GTF2A1: variants seen among roughly 807,000 people sequenced by gnomAD.
GTF2A1 encodes transcription initiation factor IIA subunit 1.
Under a neutral mutation model 54.1 loss-of-function variants are expected in GTF2A1, and 12 were observed. The observed-to-expected ratio is 0.22, with a 90% CI of 0.14 to 0.36. GTF2A1 has a LOEUF of 0.36. Among genes scored for constraint, GTF2A1 ranks in the 10% least tolerant of loss-of-function variants. GTF2A1 has a pLI of 1.00. For missense variants in GTF2A1, 335 were observed against 442.2 expected (o/e 0.76, Z 2.17); for synonymous variants, 145 against 152.0 (o/e 0.95, Z 0.34).
At chr14:81,211,519 T>C (rs1893363436) in intron 2 of GTF2A1, among the ~76,000 whole-genome samples, 1 of 152,142 alleles carries the variant, frequency 6.6e-6, no homozygotes, top group Non-Finnish European at 1.5e-5. Flanking sequence ...CTATAAAATG[T>C]GATGAGACCT....
intron 7 of GTF2A1, among the ~76,000 whole-genome samples, chr14:81,187,170 C>T (rs935548580): frequency 3.3e-5 from 5 of 151,708 alleles, no homozygotes; most frequent in East Asian, 1.9e-4. Flanking sequence ...CTGGCTAACA[C>T]GGTGAAACCC....
At chr14:81,203,665 T>A (rs778456391) in intron 3 of GTF2A1, among the ~76,000 whole-genome samples, 11 of 152,196 alleles carry the variant, frequency 7.2e-5, no homozygotes, top group Non-Finnish European at 1.2e-4. Flanking sequence ...TGTCTACCAT[T>A]ACTCTACAGA....
chr14:81,192,408 T>C (rs964790519), intron 7 of GTF2A1, 111 bp downstream of exon 7: 31 of 776,590 alleles, frequency 4.0e-5, no homozygotes, highest in Middle Eastern at 2.4e-4. Flanking sequence ...TCTTATGTTG[T>C]ACAGCACCTA....
intron 3 of GTF2A1, 55 bp downstream of exon 3, chr14:81,203,845 C>T: frequency 3.5e-6 from 5 of 1,419,190 alleles, no homozygotes; most frequent in Non-Finnish European, 5.0e-6. Context: ...TCTCTTCTTT[C>T]ATAATGACAA....
At chr14:81,186,269 G>A (rs970157189) in intron 7 of GTF2A1, among the ~76,000 whole-genome samples, 7 of 152,202 alleles carry the variant, frequency 4.6e-5, no homozygotes, top group East Asian at 1.9e-4. Flanking sequence ...ATGGCACTAT[G>A]TACTACAAAT....
At chr14:81,191,325 T>G (rs529537011) in intron 7 of GTF2A1, among the ~76,000 whole-genome samples, 24 of 152,264 alleles carry the variant, frequency 1.6e-4, no homozygotes, top group African/African-American at 5.8e-4. Flanking sequence ...CGGTATAAAA[T>G]TTAGAGAACC....
chr14:81,214,156 G>A (rs959897973), intron 2 of GTF2A1, among the ~76,000 whole-genome samples: 2 of 152,086 alleles, frequency 1.3e-5, no homozygotes, highest in African/African-American at 2.4e-5. Flanking sequence ...CCTCATCACC[G>A]CAATCAAGGT....
intron 1 of GTF2A1, 29 bp downstream of exon 1, chr14:81,220,460 C>A: frequency 6.5e-7 from 1 of 1,536,182 alleles, no homozygotes; most frequent in Non-Finnish European, 8.8e-7. Context: ...TGAACGAAGC[C>A]CCCGCCGGCC....
intron 2 of GTF2A1, chr14:81,209,788 A>C (rs1893321187): frequency 2.1e-6 from 1 of 472,780 alleles, no homozygotes; most frequent in South Asian, 1.8e-5. Context: ...ATACAAGACA[A>C]ATGTCAAAGT....
rs1892526847 is a variant in GTF2A1 at position 81,176,316 on chromosome 14, C to T, written c.*3907G>A. ...CTTGATCTGCAATGAATTTTACAAA[C>T]ATAATAAATATATTTACGCCATTAC... On this transcript the variant is annotated 3_prime_UTR_variant, in exon 9 of 9. Transcript: ENST00000553612. 1 of 151,990 alleles carries T rather than the reference C, an allele frequency of 6.6e-6. No individual in the cohort carries two copies. Among genetic ancestry groups the T allele is most frequent in the Non-Finnish European group, 1.5e-5 (1 of 67,964 alleles). 9.4% of individuals were successfully genotyped at this position (151,990 alleles called of 1,614,324 possible).
chr14:81,220,228 CGCGGCCCGGCCCGGCCCGCG>C (rs1057068913), intron 1 of GTF2A1, among the ~76,000 whole-genome samples: 2 of 145,430 alleles, frequency 1.4e-5, no homozygotes, highest in African/African-American at 2.5e-5. Context: ...CAACCGCCTC[CGCGGCCCGGCCCGGCCCGCG>C]GCGGCCCCAG....
intron 3 of GTF2A1, among the ~76,000 whole-genome samples, chr14:81,202,214 A>G (rs1893128450): frequency 6.6e-6 from 1 of 152,166 alleles, no homozygotes; most frequent in East Asian, 1.9e-4. Context: ...AAACATAAAT[A>G]GTTCTATGCA....
In GTF2A1 at chr14:81,212,343, AC is replaced by A. The variant is rs541873061; in HGVS notation, c.132+4069del. Among the ~76,000 whole-genome samples the A allele has an allele frequency of 3.1e-3, 471 of 152,316 alleles. 3 individuals carry two copies. The highest frequency in any genetic ancestry group is 0.011 in the African/African-American group (452 of 41,566). ...GTGTCATTCCCACCCACAGACACTC[AC>A]CAATCCAAAACACATTTACATTCGA... On this transcript the variant is annotated intron_variant, in intron 2 of 8. Transcript: ENST00000553612.
At position 81,197,499 on chromosome 14, in the gene GTF2A1, G is replaced by A; in HGVS notation, c.403-15C>T. ...GCAGCAGCACTCTGAAAAAAACAAA[G>A]AAAAAATATCAAAACCACATACATG... is the stretch of plus-strand genomic sequence containing the variant. On this transcript the variant is annotated splice_polypyrimidine_tract_variant and intron_variant, in intron 4 of 8. Transcript: ENST00000553612. 1 of 1,468,822 alleles carries A rather than the reference G, an allele frequency of 6.8e-7. No individual in the cohort carries two copies. The allele number at this position is 1,468,822 out of a possible 1,614,324, so 91.0% of individuals were successfully genotyped here. A position where few individuals can be genotyped will look rare whatever the true frequency, so the allele number is the denominator to read the frequency against.
At chr14:81,213,021 G>A (rs187144916) in intron 2 of GTF2A1, among the ~76,000 whole-genome samples, 19 of 152,236 alleles carry the variant, frequency 1.2e-4, no homozygotes, top group African/African-American at 3.6e-4. Context: ...TAGTCTAACC[G>A]TTTTATTTTT....
chr14:81,217,005 T>C (rs963240479), intron 1 of GTF2A1, among the ~76,000 whole-genome samples: 2 of 152,240 alleles, frequency 1.3e-5, no homozygotes, highest in Admixed American at 1.3e-4. Context: ...TGACCCAGTC[T>C]GTACTTTCAA....
At position 81,179,217 on chromosome 14, in the gene GTF2A1, C is replaced by A. The variant is rs377705732; in HGVS notation, c.*1006G>T. The A allele has an allele frequency of 6.6e-6, 1 of 152,104 alleles. No individual in the cohort carries two copies. The highest frequency in any genetic ancestry group is 6.5e-5 in the Admixed American group (1 of 15,272). 9.4% of individuals were successfully genotyped at this position (152,104 alleles called of 1,614,324 possible). A position where few individuals can be genotyped will look rare whatever the true frequency, so the allele number is the denominator to read the frequency against. On this transcript the variant is annotated 3_prime_UTR_variant, in exon 9 of 9. Coordinates refer to ENST00000553612, the MANE Select transcript of GTF2A1 (RefSeq NM_015859.4). ...TAAACACAAGAAACTTTTATAATTA[C>A]TAAACTGTTTAATAAAAATCCAGGT...
chr14:81,185,443 C>T (rs1892723427), intron 8 of GTF2A1, 88 bp downstream of exon 8: 2 of 736,586 alleles, frequency 2.7e-6, no homozygotes, highest in African/African-American at 1.7e-5. Context: ...GAATCAGCTG[C>T]CCAAATGTTT....
At chr14:81,190,808 A>C (rs1031059081) in intron 7 of GTF2A1, among the ~76,000 whole-genome samples, 1 of 152,198 alleles carries the variant, frequency 6.6e-6, no homozygotes, top group Non-Finnish European at 1.5e-5. Context: ...TGAGCCACAA[A>C]AAACTGCCGT....
Sources: allele counts gnomAD v4.1 joint callset (sites outside exome capture counted in the v4.1 genomes callset), GRCh38; gene constraint gnomAD v4.1.1; transcripts MANE v1.5; gene names NCBI Gene and HGNC (gene_info 2026-07-23, HGNC 2026-07-21).